The following CSF2RA variants were observed in gnomAD, a reference collection of about 807,000 sequenced individuals.
CSF2RA encodes the protein granulocyte-macrophage colony-stimulating factor receptor subunit alpha.
In CSF2RA, 42 loss-of-function variants were observed where a neutral mutation model predicts 51.6. The observed-to-expected ratio is 0.81, with a 90% CI of 0.64 to 1.05. The LOEUF is 1.05. CSF2RA is among the 50% of genes least tolerant of loss of function. The pLI, the probability that CSF2RA is intolerant of heterozygous loss-of-function variation, is 0.00. For missense variants in CSF2RA, 530 were observed against 501.1 expected (o/e 1.06, Z -0.55); for synonymous variants, 222 against 193.0 (o/e 1.15, Z -1.24).
At chrX:1,281,448 C>T (rs767152623) in intron 2 of CSF2RA, among the ~76,000 whole-genome samples, 1 of 139,312 alleles carries the variant, frequency 7.2e-6, no homozygotes, top group East Asian at 2.4e-4. Context: ...CCTCCTCCTG[C>T]TCCTTCTCCT....
intron 4 of CSF2RA, among the ~76,000 whole-genome samples, chrX:1,287,757 G>C (rs751474855): frequency 1.7e-5 from 2 of 118,718 alleles, no homozygotes; most frequent in East Asian, 2.9e-4. Flanking sequence ...TTTTTGGGGG[G>C]ATGGAGTCTC....
At chrX:1,293,375 C>G (rs74375166) in intron 7 of CSF2RA, among the ~76,000 whole-genome samples, 10 of 151,608 alleles carry the variant, frequency 6.6e-5, no homozygotes, top group Non-Finnish European at 1.0e-4. Context: ...CCCGCCACCA[C>G]GCCCGGCTAA....
In CSF2RA at chrX:1,278,002, C is replaced by A. The variant is rs748348754; in HGVS notation, c.-27+3184C>A. The stretch of plus-strand genomic sequence containing the variant: ...AAAAAAAAAAAAAAAAATTTCAGGG[C>A]GAGCAAGTTTATTATGAAAGTAAAA... On this transcript the variant is annotated intron_variant, in intron 2 of 12. Transcript: ENST00000381529. Among the ~76,000 whole-genome samples the A allele has an allele frequency of 1.5e-3, 173 of 117,704 alleles. 2 individuals are homozygous for A. In the South Asian group the frequency reaches 0.022, roughly 15 times the overall value. The allele number at this position is 117,704 out of a possible 152,430, so 77.2% of individuals were successfully genotyped here. A position where few individuals can be genotyped will look rare whatever the true frequency, so the allele number is the denominator to read the frequency against.
intron 10 of CSF2RA, among the ~76,000 whole-genome samples, chrX:1,302,185 CA>C (rs2083055920): frequency 6.6e-6 from 1 of 151,488 alleles, no homozygotes; most frequent in Non-Finnish European, 1.5e-5. Flanking sequence ...CAAAGTGCTG[CA>C]ATGACAGGCG....
At chrX:1,296,076 C>A (rs1366971226) in intron 9 of CSF2RA, among the ~76,000 whole-genome samples, 5 of 150,688 alleles carry the variant, frequency 3.3e-5, no homozygotes, top group Admixed American at 2.6e-4. Context: ...TACCCATGAG[C>A]CCTGGCATAA....
At chrX:1,291,928 C>T in intron 7 of CSF2RA, among the ~76,000 whole-genome samples, 1 of 128,708 alleles carries the variant, frequency 7.8e-6, no homozygotes, top group East Asian at 2.3e-4. Flanking sequence ...GACCCTGTAC[C>T]ACCTCCACTT....
At position 1,293,305 on chromosome X, in the gene CSF2RA, G is replaced by A. The variant is rs1289255764; in HGVS notation, c.647-1023G>A. 3.9e-5 allele frequency among the ~76,000 whole-genome samples: 6 copies of A among 152,144 alleles called. No individual in the cohort carries two copies. In the South Asian group the frequency reaches 6.2e-4, roughly 16 times the overall value. On this transcript the variant is annotated intron_variant, in intron 7 of 12. Transcript: ENST00000381529. ...GGGATCTCGGCTCACTGCAACCTCC[G>A]CCTCCCGGGTTCACGCCATTCTCCT...
chrX:1,309,960 A>G (rs1477121003), downstream of CSF2RA: 73 of 533,780 alleles, frequency 1.4e-4, no homozygotes, highest in Non-Finnish European at 2.3e-4. Context: ...CTGTAATCCT[A>G]ACACTTTGGA....
At chrX:1,303,006 G>A in intron 10 of CSF2RA, 1 of 229,956 alleles carries the variant, frequency 4.3e-6, no homozygotes, top group Non-Finnish European at 7.9e-6. Flanking sequence ...CGAGTAGCTG[G>A]GATTACAGAC....
intron 9 of CSF2RA, among the ~76,000 whole-genome samples, chrX:1,295,980 A>ATGACCCCTACAGTCCCCTAC (rs2091908714): frequency 6.6e-6 from 1 of 151,016 alleles, no homozygotes; most frequent in Non-Finnish European, 1.5e-5. Flanking sequence ...TCCCCTACTC[A>ATGACCCCTACAGTCCCCTAC]CGACCCCCGG....
At chrX:1,305,150 T>C (rs1340317306) in intron 11 of CSF2RA, among the ~76,000 whole-genome samples, 1 of 151,132 alleles carries the variant, frequency 6.6e-6, no homozygotes, top group African/African-American at 2.4e-5. Context: ...AGCACCACGA[T>C]ACTCAGCTAA....
the CSF2RA span, among the ~76,000 whole-genome samples, chrX:1,316,278 A>G: frequency 6.5e-3 from 949 of 146,016 alleles, 11 homozygotes; most frequent in African/African-American, 0.024. Flanking sequence ...AGATAGATAG[A>G]TAGATAGATA....
chrX:1,270,545 T>C (rs2088242485), intron 1 of CSF2RA, among the ~76,000 whole-genome samples: 1 of 152,036 alleles, frequency 6.6e-6, no homozygotes, highest in Non-Finnish European at 1.5e-5. Context: ...GGCCCAATAT[T>C]ATCATTTTTA....
intron 4 of CSF2RA, 133 bp downstream of exon 4, chrX:1,286,053 A>T: frequency 1.1e-6 from 1 of 938,234 alleles, no homozygotes; most frequent in Non-Finnish European, 1.7e-6. Flanking sequence ...TGGGCGGATC[A>T]CCTGAGGTCG....
intron 6 of CSF2RA, 48 bp downstream of exon 6, chrX:1,288,936 A>G: frequency 6.2e-7 from 1 of 1,609,354 alleles, no homozygotes; most frequent in East Asian, 2.2e-5. Flanking sequence ...CAGGGATGGG[A>G]GAAAAAATCA....
At chrX:1,299,646 G>A (rs745417819) in intron 9 of CSF2RA, among the ~76,000 whole-genome samples, 2 of 152,278 alleles carry the variant, frequency 1.3e-5, no homozygotes, top group South Asian at 2.1e-4. Context: ...AGCCAGGCAC[G>A]GTGGCTCACG....
At chrX:1,304,104 C>T (rs2083290346) in intron 11 of CSF2RA, 85 bp downstream of exon 11, 1 of 1,210,072 alleles carries the variant, frequency 8.3e-7, no homozygotes, top group African/African-American at 1.5e-5. Context: ...GTCTCTGTCT[C>T]TGAGAAAGAG....
At chrX:1,296,232 C>T (rs1330610097) in intron 9 of CSF2RA, among the ~76,000 whole-genome samples, 2 of 151,318 alleles carry the variant, frequency 1.3e-5, no homozygotes, top group African/African-American at 4.9e-5. Context: ...CGGAACCCTA[C>T]ACTCCCCTAC....
At chrX:1,317,893 A>G in the CSF2RA span, among the ~76,000 whole-genome samples, 1 of 151,244 alleles carries the variant, frequency 6.6e-6, no homozygotes, top group Non-Finnish European at 1.5e-5. Flanking sequence ...GGCAGCCTCA[A>G]CATCCCAGGC....
Sources: gnomAD v4.1 joint callset for allele counts (sites outside exome capture counted in the v4.1 genomes callset) on GRCh38, gnomAD v4.1.1 for gene constraint, MANE v1.5 for transcripts, NCBI Gene and HGNC (gene_info 2026-07-23, HGNC 2026-07-21) for gene names.